Variants in PKD2 observed in about 807,000 individuals in gnomAD.
PKD2 encodes polycystin 2, transient receptor potential cation channel.
PKD2 carries 48 observed loss-of-function variants against 105.9 expected under a neutral mutation model. That is an observed-to-expected ratio of 0.45 (90% CI 0.36 to 0.58). The LOEUF is 0.58. PKD2 is among the 20% of genes least tolerant of loss of function. PKD2 has a pLI of 0.00. For missense variants in PKD2, 1,078 were observed against 1,255.3 expected, an observed-to-expected ratio of 0.86 and a Z score of 2.13; for synonymous variants, 464 against 481.1, an observed-to-expected ratio of 0.96 and a Z score of 0.46.
intron 2 of PKD2, among the ~76,000 whole-genome samples, chr4:88,023,622 C>A (rs933137943): frequency 6.6e-6 from 1 of 152,180 alleles, no homozygotes; most frequent in African/African-American, 2.4e-5. Flanking sequence ...TGCTAACATG[C>A]TAGGTAAATG....
At chr4:88,058,169 T>C (rs1294821119) in intron 9 of PKD2, 66 bp downstream of exon 9, 2 of 1,006,220 alleles carry the variant, frequency 2.0e-6, no homozygotes, top group Non-Finnish European at 3.1e-6. Flanking sequence ...TTCTCTTTTC[T>C]CTCACACTTT....
intron 2 of PKD2, among the ~76,000 whole-genome samples, chr4:88,025,157 G>C (rs567716950): frequency 6.7e-6 from 1 of 149,342 alleles, no homozygotes; most frequent in Non-Finnish European, 1.5e-5. Flanking sequence ...GAAAAGAAAA[G>C]AATAGAAAAA....
intron 1 of PKD2, among the ~76,000 whole-genome samples, chr4:88,013,267 C>T (rs1235565202): frequency 6.6e-6 from 1 of 152,088 alleles, no homozygotes; most frequent in African/African-American, 2.4e-5. Flanking sequence ...AAAAAACATT[C>T]ATGGGACTTT....
intron 2 of PKD2, among the ~76,000 whole-genome samples, chr4:88,034,343 C>T (rs1223617245): frequency 6.6e-6 from 1 of 152,010 alleles, no homozygotes; most frequent in Non-Finnish European, 1.5e-5. Flanking sequence ...TACCCTTCTC[C>T]TTAAATAATC....
intron 1 of PKD2, among the ~76,000 whole-genome samples, chr4:88,012,987 T>C (rs533226376): frequency 1.2e-4 from 18 of 152,206 alleles, no homozygotes; most frequent in Admixed American, 4.6e-4. Context: ...AGGAAGTTTG[T>C]ACACATATAT....
At chr4:88,068,264 T>C (rs1196684852) in intron 13 of PKD2, among the ~76,000 whole-genome samples, 2 of 152,070 alleles carry the variant, frequency 1.3e-5, no homozygotes, top group Admixed American at 1.3e-4. Flanking sequence ...AGGTCAGAAG[T>C]TCGAGACGAG....
At chr4:88,018,352 C>T (rs1003436436) in intron 1 of PKD2, among the ~76,000 whole-genome samples, 11 of 152,114 alleles carry the variant, frequency 7.2e-5, no homozygotes, top group East Asian at 1.9e-4. Context: ...CTCATTTCTT[C>T]GAAGTAAAAG....
intron 10 of PKD2, among the ~76,000 whole-genome samples, chr4:88,062,613 A>G (rs1170322845): frequency 6.6e-6 from 1 of 152,204 alleles, no homozygotes; most frequent in Non-Finnish European, 1.5e-5. Context: ...TTCTCAATGT[A>G]ACTTCTTTAT....
intron 6 of PKD2, 30 bp downstream of exon 6, chr4:88,046,900 A>G: frequency 5.6e-6 from 7 of 1,242,874 alleles, no homozygotes; most frequent in East Asian, 2.3e-5. Flanking sequence ...CAAATTTCCT[A>G]TTCTATTCTA....
intron 9 of PKD2, among the ~76,000 whole-genome samples, chr4:88,059,371 G>A (rs1720476550): frequency 6.6e-6 from 1 of 152,098 alleles, no homozygotes; most frequent in South Asian, 2.1e-4. Flanking sequence ...ACCATTGATA[G>A]TACTTCGGAT....
intron 10 of PKD2, among the ~76,000 whole-genome samples, chr4:88,064,885 C>T (rs1720732371): frequency 6.6e-6 from 1 of 152,000 alleles, no homozygotes; most frequent in African/African-American, 2.4e-5. Context: ...GAGTAAGATC[C>T]TGTCTCAAAA....
rs1241201430 is a variant in PKD2, at chr4:88,075,441, T to C, written c.2671-17T>C. 1.9e-6 allele frequency: 3 copies of C among 1,596,016 alleles called. No individual in the cohort carries two copies. The highest frequency in any genetic ancestry group is 1.7e-6 in the Non-Finnish European group (2 of 1,163,504). ...CCTTCTACTGCCCCCAACACCAGTT[T>C]CTTTTTCCCTTTTTAGGATGAAAGG... On this transcript the variant is annotated splice_polypyrimidine_tract_variant and intron_variant, in intron 14 of 14. Transcript: ENST00000237596.
chr4:88,060,755 G>A (rs896947101), intron 9 of PKD2, among the ~76,000 whole-genome samples: 5 of 152,128 alleles, frequency 3.3e-5, no homozygotes, highest in Non-Finnish European at 7.4e-5. Flanking sequence ...TACTGTGGAA[G>A]GGAAAGGTCA....
intron 7 of PKD2, among the ~76,000 whole-genome samples, chr4:88,054,798 G>A (rs1720260137): frequency 6.6e-6 from 1 of 151,824 alleles, no homozygotes; most frequent in African/African-American, 2.4e-5. Context: ...GGGACTACAG[G>A]CGGCTGCCAC....
chr4:88,008,070 G>A lies in PKD2; in HGVS notation c.337G>A (p.Glu113Lys). The change falls in exon 1 of 15, where the codon GAG (glutamate) becomes AAG (lysine). Residue 113 changes from glutamate (E) to lysine (K), a missense_variant. Glu to Lys is a moderately conservative substitution (Grantham distance 56). Transcript: ENST00000237596. ...AGGGGAAGAAGGCGGAATGGTGGTG[G>A]AGATGGACGTAGAGTGGCGCCCGGG... ...VEGEEGGMVV[E>K]MDVEWRPGSR... The A allele has an allele frequency of 6.6e-7, 1 of 1,522,288 alleles. No individual in the cohort carries two copies. Among genetic ancestry groups the A allele is most frequent in the Non-Finnish European group, 8.8e-7 (1 of 1,140,094 alleles). The allele number at this position is 1,522,288 out of a possible 1,614,324, so 94.3% of individuals were successfully genotyped here. A position where few individuals can be genotyped will look rare whatever the true frequency, so the allele number is the denominator to read the frequency against.
At chr4:88,021,458 AC>A (rs1429341852) in intron 2 of PKD2, among the ~76,000 whole-genome samples, 4 of 152,200 alleles carry the variant, frequency 2.6e-5, no homozygotes, top group South Asian at 2.1e-4. Flanking sequence ...CATGCAAATC[AC>A]ATTTTATTTC....
intron 6 of PKD2, among the ~76,000 whole-genome samples, chr4:88,048,491 G>A (rs569246482): frequency 7.9e-4 from 120 of 152,248 alleles, no homozygotes; most frequent in African/African-American, 2.8e-3. Flanking sequence ...AATTGTAATA[G>A]TAATAATAAT....
intron 1 of PKD2, among the ~76,000 whole-genome samples, chr4:88,013,969 C>A (rs1225011027): frequency 6.6e-6 from 1 of 152,074 alleles, no homozygotes; most frequent in African/African-American, 2.4e-5. Flanking sequence ...GAAGATGACT[C>A]TTGGAACAAC....
intron 7 of PKD2, among the ~76,000 whole-genome samples, chr4:88,053,408 T>C (rs2728101): frequency 0.31 from 46,902 of 152,000 alleles, 10,835 homozygotes; most frequent in African/African-American, 0.64. Context: ...TGCCTGTAAT[T>C]CCAGCATTTT....
Sources: allele counts gnomAD v4.1 joint callset (sites outside exome capture counted in the v4.1 genomes callset), GRCh38; gene constraint gnomAD v4.1.1; transcripts MANE v1.5; gene names NCBI Gene and HGNC (gene_info 2026-07-23, HGNC 2026-07-21).